Variants in FRMPD4 observed in about 807,000 individuals in gnomAD.
FRMPD4 encodes the protein FERM and PDZ domain containing 4.
In FRMPD4, 22 loss-of-function variants were observed where a neutral mutation model predicts 94.1. The ratio of observed to expected loss-of-function variants is 0.23; its 90% CI spans 0.17 to 0.33. FRMPD4 has a LOEUF of 0.33. FRMPD4 is among the 10% of genes least tolerant of loss of function. FRMPD4 has a pLI of 1.00. For synonymous variants in FRMPD4, 631 were observed against 548.6 expected (o/e 1.15, Z -2.10); for missense variants, 1,111 against 1,339.9 (o/e 0.83, Z 2.67).
intron 3 of FRMPD4, among the ~76,000 whole-genome samples, chrX:11,889,043 G>C (rs1474423980): frequency 1.8e-5 from 2 of 112,513 alleles, no homozygotes; most frequent in Non-Finnish European, 3.8e-5. Context: ...TACTTACTGA[G>C]TACCTTCTAG....
rs2042241624 is a variant in FRMPD4, at chrX:12,721,610, C to T, written c.5041C>T (p.Leu1681Phe). 1 of 753,349 alleles carries T rather than the reference C, an allele frequency of 1.3e-6. No homozygotes were observed. 62.1% of individuals were successfully genotyped at this position (753,349 alleles called of 1,213,427 possible). A position where few individuals can be genotyped will look rare whatever the true frequency, so the allele number is the denominator to read the frequency against. The change falls in exon 17 of 17, where the codon CTC becomes TTC. Residue 1681 changes from leucine to phenylalanine, a missense_variant. This residue lies in a region of FRMPD4 where 551 missense variants were observed against 591.6 expected (regional missense o/e 0.93). Coordinates refer to ENST00000675598, the MANE Select transcript of FRMPD4 (RefSeq NM_001368397.1). ...AGCTATGACTTCCAGCTTTCAAGTG[C>T]TCTGTTGCCTAACAGAAGCTTGCAT... is the stretch of plus-strand genomic sequence containing the variant. Reference protein sequence around the residue: ...LLAMTSSFQVLCCLTEACMRL... With the variant: ...LLAMTSSFQVFCCLTEACMRL...
In FRMPD4 at chrX:12,305,350, C is replaced by G. The variant is rs373974140; in HGVS notation, c.41+166338C>G. On this transcript the variant is annotated intron_variant, in intron 1 of 16. Transcript: ENST00000675598. ...ACCCTCAAGCTTCCCCCACCACTGA[C>G]AGAGAGAAGAGAAGCACATTCTCAG... Among the ~76,000 whole-genome samples the G allele has an allele frequency of 9.9e-5, 11 of 111,394 alleles. No homozygotes were observed. In the East Asian group the frequency reaches 2.3e-3, roughly 23 times the overall value.
chrX:12,575,314 C>CTTTTTTT (rs35769840), intron 2 of FRMPD4, among the ~76,000 whole-genome samples: 2 of 98,095 alleles, frequency 2.0e-5, no homozygotes, highest in African/African-American at 3.7e-5. Flanking sequence ...AAGTAAAGGT[C>CTTTTTTT]TTTTTTTTTT....
intron 3 of FRMPD4, among the ~76,000 whole-genome samples, chrX:11,943,440 T>G (rs1412380993): frequency 9.0e-6 from 1 of 111,028 alleles, no homozygotes; most frequent in East Asian, 2.8e-4. Flanking sequence ...GCTAGTAAGT[T>G]TAATAGTATG....
chrX:12,018,145 A>C (rs1048598508), intron 3 of FRMPD4, among the ~76,000 whole-genome samples: 79 of 111,086 alleles, frequency 7.1e-4, no homozygotes, highest in African/African-American at 2.3e-3. Flanking sequence ...GGAAAAAAAA[A>C]AACAACCAGG....
chrX:12,130,772 C>T (rs1420664214), intron 3 of FRMPD4, among the ~76,000 whole-genome samples: 1 of 110,466 alleles, frequency 9.1e-6, no homozygotes, highest in Non-Finnish European at 1.9e-5. Context: ...TAGTTTTTGT[C>T]TAGTCAGGGG....
intron 8 of FRMPD4, among the ~76,000 whole-genome samples, chrX:12,691,170 G>A (rs2060076215): frequency 8.9e-6 from 1 of 112,057 alleles, no homozygotes. Flanking sequence ...CCAACTTTTT[G>A]TAATAGATTA....
intron 2 of FRMPD4, among the ~76,000 whole-genome samples, chrX:12,514,107 A>G (rs765251792): frequency 4.5e-5 from 5 of 111,615 alleles, no homozygotes; most frequent in Non-Finnish European, 9.4e-5. Context: ...TCAGCTTAAG[A>G]AGCTTTGGGG....
intron 3 of FRMPD4, among the ~76,000 whole-genome samples, chrX:12,097,369 G>C (rs1216362024): frequency 8.9e-6 from 1 of 112,138 alleles, no homozygotes; most frequent in African/African-American, 3.2e-5. Context: ...AGGAAAGATT[G>C]CATCTAAACC....
At chrX:12,053,420 AAGAAAGAAAG>A (rs1417348025) in intron 3 of FRMPD4, among the ~76,000 whole-genome samples, 6 of 95,149 alleles carry the variant, frequency 6.3e-5, no homozygotes, top group South Asian at 4.7e-4. Context: ...GAAAGAAAGA[AAGAAAGAAAG>A]AGAAAGAAAG....
intron 3 of FRMPD4, among the ~76,000 whole-genome samples, chrX:12,003,386 A>AGTGTGTGTGTGT (rs34756228): frequency 3.2e-4 from 33 of 102,197 alleles, no homozygotes; most frequent in East Asian, 3.1e-3. Flanking sequence ...CAGTTTGGCA[A>AGTGTGTGTGTGT]GTGTGTGTGT....
intron 4 of FRMPD4, among the ~76,000 whole-genome samples, chrX:12,667,857 A>G (rs2059795878): frequency 8.9e-6 from 1 of 112,330 alleles, no homozygotes; most frequent in Non-Finnish European, 1.9e-5. Context: ...GGTTTAGGGT[A>G]GGATAGACTA....
At chrX:12,511,716 A>G (rs866878090) in intron 2 of FRMPD4, among the ~76,000 whole-genome samples, 2 of 110,759 alleles carry the variant, frequency 1.8e-5, no homozygotes, top group Non-Finnish European at 1.9e-5. Flanking sequence ...AGAGGGAGTA[A>G]GTGTTATTTG....
Position 11,857,806 on chromosome X carries a change from G to A in FRMPD4, c.-160-7280G>A, listed in dbSNP as rs756322637. On this transcript the variant is annotated intron_variant, in intron 1 of 18. Coordinates refer to the FRMPD4 transcript ENST00000640291. ...ATAGGAGAAAATTTTTGCAAACTAT[G>A]CATTTGACGAAGGTTTAATATCCAG... is the stretch of plus-strand genomic sequence containing the variant. 1.3e-3 allele frequency among the ~76,000 whole-genome samples: 148 copies of A among 112,516 alleles called. 1 individual carries two copies. Among genetic ancestry groups the A allele is most frequent in the African/African-American group, 4.2e-3 (131 of 31,049 alleles).
At chrX:11,891,607 C>T (rs1601824852) in intron 3 of FRMPD4, among the ~76,000 whole-genome samples, 1 of 112,129 alleles carries the variant, frequency 8.9e-6, no homozygotes, top group Non-Finnish European at 1.9e-5. Context: ...CAGTATTGTG[C>T]TAGCTCAGGT....
chrX:12,428,921 T>G (rs1473722997), intron 1 of FRMPD4, among the ~76,000 whole-genome samples: 1 of 112,111 alleles, frequency 8.9e-6, no homozygotes, highest in African/African-American at 3.2e-5. Flanking sequence ...AAAAACTAGT[T>G]GCATGCTCCA....
chrX:12,676,940 T>G lies in FRMPD4; in HGVS notation c.468+2032T>G, dbSNP rs943212245. 3.6e-5 allele frequency among the ~76,000 whole-genome samples: 4 copies of G among 111,987 alleles called. No individual in the cohort carries two copies. In the East Asian group the frequency reaches 1.1e-3, roughly 31 times the overall value. ...CCGCAGATAAATTCTCATCTTTGAC[T>G]TTCCTTTGACCACTCTCCTTTGAGA... On this transcript the variant is annotated intron_variant, in intron 5 of 16. Transcript: ENST00000675598.
chrX:12,378,006 C>T (rs1380449464), intron 1 of FRMPD4, among the ~76,000 whole-genome samples: 11 of 112,469 alleles, frequency 9.8e-5, no homozygotes, highest in Non-Finnish European at 1.7e-4. Flanking sequence ...CTATCGGTCG[C>T]GTTCTCTGCT....
At chrX:12,486,630 G>C (rs142414620) in intron 1 of FRMPD4, among the ~76,000 whole-genome samples, 1 of 112,405 alleles carries the variant, frequency 8.9e-6, no homozygotes, top group Admixed American at 9.4e-5. Context: ...AATGTCTTCC[G>C]TACTGTGGAA....
Sources: gnomAD v4.1 joint callset for allele counts (sites outside exome capture counted in the v4.1 genomes callset) on GRCh38, gnomAD v4.1.1 for gene constraint, gnomAD v4.1.1 regional missense constraint, MANE v1.5 for transcripts, NCBI Gene and HGNC (gene_info 2026-07-23, HGNC 2026-07-21) for gene names.